PPP1R17: variants seen among roughly 807,000 people sequenced by gnomAD.
The protein encoded by PPP1R17 is protein phosphatase 1 regulatory subunit 17, also known as G-substrate.
In PPP1R17, 12 loss-of-function variants were observed where a neutral mutation model predicts 15.9. That is an observed-to-expected ratio of 0.75 (90% confidence interval 0.48 to 1.22). The LOEUF (loss-of-function observed/expected upper bound fraction) is 1.22. Ranked by LOEUF, PPP1R17 falls within the 50% of genes most tolerant of loss-of-function variation. PPP1R17 has a pLI of 0.00. For missense variants in PPP1R17, 211 were observed against 187.3 expected (o/e 1.13, Z -0.74); for synonymous variants, 63 against 64.5 (o/e 0.98, Z 0.11).
At chr7:31,704,695 T>C (rs769139089) in intron 4 of PPP1R17, among the ~76,000 whole-genome samples, 3 of 152,224 alleles carry the variant, frequency 2.0e-5, no homozygotes, top group Non-Finnish European at 4.4e-5. Context: ...TCACACACTG[T>C]GGAAGATACA....
At chr7:31,705,713 G>A (rs541872209) in intron 4 of PPP1R17, among the ~76,000 whole-genome samples, 66 of 152,194 alleles carry the variant, frequency 4.3e-4, no homozygotes, top group African/African-American at 1.5e-3. Context: ...CTCAAGTGTA[G>A]ATCTTTATGA....
intron 4 of PPP1R17, among the ~76,000 whole-genome samples, chr7:31,701,401 G>T (rs374446766): frequency 4.6e-5 from 7 of 152,330 alleles, no homozygotes; most frequent in East Asian, 1.9e-4. Context: ...GATAAAATTT[G>T]AATGGATGAA....
At chr7:31,701,115 A>G (rs1792831316) in intron 4 of PPP1R17, among the ~76,000 whole-genome samples, 1 of 152,226 alleles carries the variant, frequency 6.6e-6, no homozygotes, top group Non-Finnish European at 1.5e-5. Context: ...TGCTATAGAT[A>G]GTGATCCCTC....
chr7:31,690,476 A>G (rs1205838285), intron 1 of PPP1R17, among the ~76,000 whole-genome samples: 1 of 152,232 alleles, frequency 6.6e-6, no homozygotes, highest in Non-Finnish European at 1.5e-5. Flanking sequence ...ATTTTATTGT[A>G]GCAGACTTAA....
At chr7:31,692,726 G>A (rs1019131447) in intron 2 of PPP1R17, among the ~76,000 whole-genome samples, 11 of 152,198 alleles carry the variant, frequency 7.2e-5, no homozygotes, top group African/African-American at 2.7e-4. Flanking sequence ...TGAAGCACCA[G>A]TAAGAAGTTC....
At chr7:31,694,889 T>C in intron 2 of PPP1R17, among the ~76,000 whole-genome samples, 1 of 152,058 alleles carries the variant, frequency 6.6e-6, no homozygotes, top group East Asian at 1.9e-4. Context: ...CAGAAGACAG[T>C]AGGATCTTGA....
At chr7:31,688,475 C>T (rs75074678) in intron 1 of PPP1R17, among the ~76,000 whole-genome samples, 2,947 of 152,324 alleles carry the variant, frequency 0.019, 100 homozygotes, top group African/African-American at 0.067. Context: ...CACACTGAAC[C>T]AACTAATGTG....
chr7:31,692,743 CAGAGAGAGAGAA>C (rs1386507633), intron 2 of PPP1R17, among the ~76,000 whole-genome samples: 1 of 152,064 alleles, frequency 6.6e-6, no homozygotes, highest in Non-Finnish European at 1.5e-5. Flanking sequence ...GTTCATTAGA[CAGAGAGAGAGAA>C]AGAGAGAGAG....
chr7:31,692,144 TGAGA>T (rs1470886776), intron 1 of PPP1R17, among the ~76,000 whole-genome samples: 1 of 152,180 alleles, frequency 6.6e-6, no homozygotes, highest in Non-Finnish European at 1.5e-5. Flanking sequence ...AATGTGTCTC[TGAGA>T]GAGGGCAAAT....
At chr7:31,698,715 A>G (rs1024341174) in intron 4 of PPP1R17, among the ~76,000 whole-genome samples, 1 of 152,220 alleles carries the variant, frequency 6.6e-6, no homozygotes, top group Admixed American at 6.5e-5. Flanking sequence ...ACATAATAGA[A>G]AGTCTGCTAG....
chr7:31,706,130 G>A (rs985964746), intron 4 of PPP1R17, among the ~76,000 whole-genome samples: 2 of 148,436 alleles, frequency 1.3e-5, no homozygotes, highest in Non-Finnish European at 3.0e-5. Context: ...TCAGCCTCCC[G>A]AGTAGTCAGG....
chr7:31,687,758 T>TA (rs1353973280), intron 1 of PPP1R17, among the ~76,000 whole-genome samples: 2 of 152,172 alleles, frequency 1.3e-5, no homozygotes, highest in Admixed American at 1.3e-4. Context: ...ATCCTCTGGT[T>TA]AAAAAGAGGT....
In PPP1R17 at chr7:31,707,526, C is replaced by G; in HGVS notation, c.*243C>G. ...ATTTTCTAATGCAGTGGAAAAGAAA[C>G]AGATCATCCTAAATGAGGAGGTAAC... On this transcript the variant is annotated 3_prime_UTR_variant, in exon 5 of 5. Coordinates refer to ENST00000342032, the MANE Select transcript of PPP1R17 (RefSeq NM_006658.5). 1 of 471,724 alleles carries G rather than the reference C, an allele frequency of 2.1e-6. No individual in the cohort carries two copies. Among genetic ancestry groups the G allele is most frequent in the South Asian group, 3.4e-5 (1 of 29,496 alleles). 29.2% of individuals were successfully genotyped at this position (471,724 alleles called of 1,614,324 possible).
At position 31,695,552 on chromosome 7, in the gene PPP1R17, G is replaced by A. The variant is rs758665575; in HGVS notation, c.166G>A (p.Val56Ile). The change falls in exon 3 of 5, where the codon GTT (valine) becomes ATT (isoleucine). Residue 56 changes from valine to isoleucine, a missense_variant. Coordinates refer to ENST00000342032, the MANE Select transcript of PPP1R17 (RefSeq NM_006658.5). Reference sequence around the variant, plus strand: ...AAAAAATGTACAGGCCACCCTGAATGTTGAGTCAGACCAAAAAAAACCAAG... The same window carrying A: ...AAAAAATGTACAGGCCACCCTGAATATTGAGTCAGACCAAAAAAAACCAAG... ...KGKNVQATLN[V>I]ESDQKKPRRK... 10 of 1,613,964 alleles carry A rather than the reference G, an allele frequency of 6.2e-6. No homozygotes were observed. The highest frequency in any genetic ancestry group is 1.1e-5 in the South Asian group (1 of 91,060).
intron 4 of PPP1R17, among the ~76,000 whole-genome samples, chr7:31,705,755 T>C (rs1200208770): frequency 6.6e-6 from 1 of 151,998 alleles, no homozygotes; most frequent in Non-Finnish European, 1.5e-5. Flanking sequence ...CGTCTCATTA[T>C]GAGAAGGAAG....
chr7:31,703,019 T>C (rs913074141), intron 4 of PPP1R17, among the ~76,000 whole-genome samples: 1 of 152,246 alleles, frequency 6.6e-6, no homozygotes, highest in Non-Finnish European at 1.5e-5. Flanking sequence ...TGCTCCATAC[T>C]AGCTTTGTGA....
At chr7:31,703,201 T>C (rs1157723883) in intron 4 of PPP1R17, among the ~76,000 whole-genome samples, 1 of 152,212 alleles carries the variant, frequency 6.6e-6, no homozygotes. Flanking sequence ...TTCCTTCCAT[T>C]CTCTGTTCAA....
chr7:31,698,715 A>C (rs1024341174), intron 4 of PPP1R17, among the ~76,000 whole-genome samples: 1 of 152,220 alleles, frequency 6.6e-6, no homozygotes, highest in South Asian at 2.1e-4. Flanking sequence ...ACATAATAGA[A>C]AGTCTGCTAG....
rs1371851353 is a variant in PPP1R17 at position 31,697,056 on chromosome 7, G to A, written c.327G>A (p.Leu109=). 6.2e-7 allele frequency: 1 copy of A among 1,614,106 alleles called. No homozygotes were observed. Among genetic ancestry groups the A allele is most frequent in the South Asian group, 1.1e-5 (1 of 91,078 alleles). ...TCCCTGTTCTTCATAACACTGACCT[G>A]GAACAGAAAAAGCCAAGGAGAAAAG... ...KMIPVLHNTD[L]EQKKPRRKDT... Residue 109 remains leucine (L), a synonymous_variant, in exon 4 of 5, where the codon CTG becomes CTA. Coordinates refer to ENST00000342032, the MANE Select transcript of PPP1R17 (RefSeq NM_006658.5).
Sources: allele counts gnomAD v4.1 joint callset (sites outside exome capture counted in the v4.1 genomes callset), GRCh38; gene constraint gnomAD v4.1.1; transcripts MANE v1.5; gene names NCBI Gene and HGNC (gene_info 2026-07-23, HGNC 2026-07-21).